SHISA9: variants seen among roughly 807,000 people sequenced by gnomAD.
The protein encoded by SHISA9 is shisa family member 9.
A neutral mutation model predicts 38.0 loss-of-function variants in SHISA9; 13 were observed. The observed-to-expected ratio is 0.34, with a 90% CI of 0.22 to 0.54. The LOEUF is 0.54. Among genes scored for constraint, SHISA9 ranks in the 20% least tolerant of loss-of-function variants. The pLI is 0.91. For missense variants in SHISA9, 538 were observed against 575.8 expected, an observed-to-expected ratio of 0.93 and a Z score of 0.67; for synonymous variants, 275 against 242.0, an observed-to-expected ratio of 1.14 and a Z score of -1.27.
At chr16:13,108,227 C>G (rs2073945437) in intron 2 of SHISA9, among the ~76,000 whole-genome samples, 3 of 152,130 alleles carry the variant, frequency 2.0e-5, no homozygotes, top group Non-Finnish European at 2.9e-5. Context: ...CTCCAGGACT[C>G]AAGTGATCCT....
the SHISA9 span, among the ~76,000 whole-genome samples, chr16:13,358,417 G>T: frequency 6.6e-6 from 1 of 152,094 alleles, no homozygotes; most frequent in Non-Finnish European, 1.5e-5. Flanking sequence ...GCTGTGTGAT[G>T]TTCCCTTCGC....
chr16:13,247,961 C>T, the SHISA9 span, among the ~76,000 whole-genome samples: 1 of 152,166 alleles, frequency 6.6e-6, no homozygotes, highest in African/African-American at 2.4e-5. Flanking sequence ...GCCTTATTTT[C>T]TGGTAATTTG....
At chr16:13,057,625 C>T (rs961344374) in intron 2 of SHISA9, among the ~76,000 whole-genome samples, 8 of 152,126 alleles carry the variant, frequency 5.3e-5, no homozygotes, top group Non-Finnish European at 7.3e-5. Flanking sequence ...ACTGCTTGCT[C>T]TAAATAAGTG....
the SHISA9 span, among the ~76,000 whole-genome samples, chr16:13,286,780 A>G: frequency 6.6e-6 from 1 of 152,202 alleles, no homozygotes; most frequent in Non-Finnish European, 1.5e-5. Flanking sequence ...AAGCCCAAAT[A>G]AACTTCTTGA....
chr16:13,010,375 C>G (rs868716985), intron 2 of SHISA9, among the ~76,000 whole-genome samples: 1 of 152,136 alleles, frequency 6.6e-6, no homozygotes. Flanking sequence ...GGATATTGTA[C>G]TTAAACCAAC....
At chr16:13,407,921 G>A in the SHISA9 span, among the ~76,000 whole-genome samples, 2 of 152,214 alleles carry the variant, frequency 1.3e-5, no homozygotes, top group East Asian at 3.8e-4. Flanking sequence ...CCACAGAGAA[G>A]CCATGTAGAG....
chr16:13,363,647 T>C, the SHISA9 span, among the ~76,000 whole-genome samples: 2 of 152,318 alleles, frequency 1.3e-5, no homozygotes, highest in South Asian at 2.1e-4. Flanking sequence ...AATGCAGGGA[T>C]ATGGGATCAT....
At chr16:13,322,074 G>T in the SHISA9 span, among the ~76,000 whole-genome samples, 1 of 152,120 alleles carries the variant, frequency 6.6e-6, no homozygotes, top group Non-Finnish European at 1.5e-5. Context: ...TAAATGCATT[G>T]CAACTATTCT....
intron 2 of SHISA9, among the ~76,000 whole-genome samples, chr16:12,932,984 G>C (rs1192710723): frequency 1.3e-5 from 2 of 151,964 alleles, no homozygotes; most frequent in South Asian, 4.2e-4. Flanking sequence ...GTCCCTCAAA[G>C]GACTTATGAT....
chr16:13,173,826 G>A (rs1376753183), intron 2 of SHISA9, among the ~76,000 whole-genome samples: 3 of 152,198 alleles, frequency 2.0e-5, no homozygotes, highest in Admixed American at 2.0e-4. Flanking sequence ...GAAGTTCACA[G>A]GGCTGTTAGA....
chr16:12,956,120 G>C (rs1241711644), intron 2 of SHISA9, among the ~76,000 whole-genome samples: 1 of 152,098 alleles, frequency 6.6e-6, no homozygotes, highest in African/African-American at 2.4e-5. Context: ...CTCAAAAGAA[G>C]AAATACAAGT....
At chr16:13,326,839 C>A in the SHISA9 span, among the ~76,000 whole-genome samples, 1 of 151,922 alleles carries the variant, frequency 6.6e-6, no homozygotes, top group African/African-American at 2.4e-5. Flanking sequence ...TTGAGATACC[C>A]AGCACATAAT....
the SHISA9 span, among the ~76,000 whole-genome samples, chr16:13,559,965 G>A: frequency 6.6e-6 from 1 of 152,138 alleles, no homozygotes; most frequent in Admixed American, 6.6e-5. Flanking sequence ...GGAATAAAGA[G>A]GAACTCTGTT....
chr16:13,005,201 G>T (rs1750974383), intron 2 of SHISA9, among the ~76,000 whole-genome samples: 1 of 152,108 alleles, frequency 6.6e-6, no homozygotes, highest in African/African-American at 2.4e-5. Context: ...AGTTTGGGAT[G>T]CTTGGGAGAC....
At chr16:13,204,198 ATCTGTCTG>A (rs56691123) in intron 3 of SHISA9, among the ~76,000 whole-genome samples, 2 of 140,724 alleles carry the variant, frequency 1.4e-5, no homozygotes, top group Admixed American at 1.5e-4. Flanking sequence ...TCTACCTATT[ATCTGTCTG>A]TCTGTCTATC....
the SHISA9 span, among the ~76,000 whole-genome samples, chr16:13,250,284 G>T: frequency 6.6e-6 from 1 of 152,146 alleles, no homozygotes; most frequent in African/African-American, 2.4e-5. Context: ...TTAAAGCTTA[G>T]GGGTGGAGGA....
the SHISA9 span, among the ~76,000 whole-genome samples, chr16:13,544,456 G>A: frequency 8.0e-6 from 1 of 124,818 alleles, no homozygotes; most frequent in African/African-American, 3.1e-5. Flanking sequence ...TTCCCCGCTG[G>A]ATGTTGTATT....
chr16:13,428,948 G>C, the SHISA9 span, among the ~76,000 whole-genome samples: 159 of 151,940 alleles, frequency 1.0e-3, 1 homozygote, highest in African/African-American at 3.5e-3. Flanking sequence ...GTGTTTTTTA[G>C]TAGAGACCGG....
chr16:13,061,644 A>G (rs902952505), intron 2 of SHISA9, among the ~76,000 whole-genome samples: 4 of 152,212 alleles, frequency 2.6e-5, no homozygotes, highest in Non-Finnish European at 5.9e-5. Context: ...ATACAGATGG[A>G]CCAAACAGGT....
Sources: gnomAD v4.1 joint callset for allele counts (sites outside exome capture counted in the v4.1 genomes callset) on GRCh38, gnomAD v4.1.1 for gene constraint, MANE v1.5 for transcripts, NCBI Gene and HGNC (gene_info 2026-07-23, HGNC 2026-07-21) for gene names.